The following ZNF804A variants were observed in gnomAD, a reference collection of about 807,000 sequenced individuals.
ZNF804A encodes zinc finger protein 804A.
ZNF804A carries 2 observed loss-of-function variants against 16.5 expected under a neutral mutation model. That is an observed-to-expected ratio of 0.12 (90% CI 0.05 to 0.38). The LOEUF (loss-of-function observed/expected upper bound fraction) is 0.38. Among genes scored for constraint, ZNF804A ranks in the 10% least tolerant of loss-of-function variants. The pLI is 0.99. For synonymous variants in ZNF804A, 534 were observed against 489.6 expected (o/e 1.09, Z -1.20); for missense variants, 1,473 against 1,390.7 (o/e 1.06, Z -0.94).
rs4667001 is a variant in ZNF804A, at chr2:184,937,020, G to A, written c.1624G>A (p.Glu542Lys). The A allele has an allele frequency of 0.57, 921,066 of 1,612,128 alleles. 274,003 individuals are homozygous for A. Among genetic ancestry groups the A allele is most frequent in the East Asian group, 0.84 (37,703 of 44,748 alleles). ...LSSSCDSGKN[E>K]NTGQRYKNIS... ...CAGTAGTTGTGATTCTGGAAAAAAT[G>A]AGAACACAGGTCAGAGGTATAAAAA... The change falls in exon 4 of 4, where the codon GAG (glutamate) becomes AAG (lysine). Residue 542 changes from glutamate to lysine, a missense_variant. By Grantham distance (56) the Glu-to-Lys change is moderately conservative. Coordinates refer to ENST00000302277, the MANE Select transcript of ZNF804A (RefSeq NM_194250.2).
chr2:184,702,896 T>C (rs1692944911), intron 1 of ZNF804A, among the ~76,000 whole-genome samples: 2 of 152,192 alleles, frequency 1.3e-5, no homozygotes. Flanking sequence ...GGCAGTTTTG[T>C]TCCTTCTCAT....
chr2:184,857,097 A>T lies in ZNF804A; in HGVS notation c.112-9272A>T, dbSNP rs372153665. On this transcript the variant is annotated intron_variant, in intron 1 of 3. Transcript: ENST00000302277. ...TTGACATCTTTCTTTTTTTTGATGTAGGCATTTATTGCTACCAACTTTCCT... is the reference window on the plus strand; with the variant it reads ...TTGACATCTTTCTTTTTTTTGATGTTGGCATTTATTGCTACCAACTTTCCT... 3.6e-4 allele frequency among the ~76,000 whole-genome samples: 55 copies of T among 152,064 alleles called. No homozygotes were observed. In the Middle Eastern group the frequency reaches 0.01, roughly 28 times the overall value.
At chr2:184,810,259 G>T (rs1291256983) in intron 1 of ZNF804A, among the ~76,000 whole-genome samples, 1 of 152,074 alleles carries the variant, frequency 6.6e-6, no homozygotes, top group Admixed American at 6.6e-5. Context: ...TAGAGAATTT[G>T]CCAACGCCTG....
chr2:184,599,228 G>C (rs1315084612), intron 1 of ZNF804A, among the ~76,000 whole-genome samples, 158 bp downstream of exon 1: 1 of 152,098 alleles, frequency 6.6e-6, no homozygotes. Flanking sequence ...AAAGGAAGGG[G>C]TCTTAGGGAA....
chr2:184,631,876 T>C (rs899541028), intron 1 of ZNF804A, among the ~76,000 whole-genome samples: 2 of 152,170 alleles, frequency 1.3e-5, no homozygotes, highest in African/African-American at 2.4e-5. Flanking sequence ...GAACCTTTGA[T>C]GTAGGACACT....
intron 1 of ZNF804A, among the ~76,000 whole-genome samples, chr2:184,804,310 G>A (rs1694769010): frequency 6.6e-6 from 1 of 152,142 alleles, no homozygotes; most frequent in African/African-American, 2.4e-5. Context: ...TCCTGGATAG[G>A]CATGTCTTTT....
intron 1 of ZNF804A, among the ~76,000 whole-genome samples, chr2:184,785,059 A>G (rs1286881926): frequency 6.6e-6 from 1 of 151,966 alleles, no homozygotes; most frequent in African/African-American, 2.4e-5. Flanking sequence ...TCACATAAAC[A>G]TTTCTATTGC....
intron 1 of ZNF804A, among the ~76,000 whole-genome samples, chr2:184,757,731 T>C (rs909691114): frequency 3.9e-5 from 6 of 152,056 alleles, no homozygotes; most frequent in African/African-American, 1.4e-4. Flanking sequence ...TAAAATGTTA[T>C]CTGGAGGATG....
At chr2:184,932,165 C>T (rs1055736754) in intron 2 of ZNF804A, among the ~76,000 whole-genome samples, 1 of 152,078 alleles carries the variant, frequency 6.6e-6, no homozygotes, top group African/African-American at 2.4e-5. Flanking sequence ...TCTTCTAAGC[C>T]CTCCACACTG....
chr2:184,753,760 A>G (rs546680450), intron 1 of ZNF804A, among the ~76,000 whole-genome samples: 14 of 151,886 alleles, frequency 9.2e-5, no homozygotes, highest in Non-Finnish European at 2.1e-4. Context: ...GAAGATTTCT[A>G]AAGGTGAGAT....
intron 1 of ZNF804A, among the ~76,000 whole-genome samples, chr2:184,648,790 G>A (rs1265040144): frequency 1.3e-5 from 2 of 152,232 alleles, no homozygotes; most frequent in East Asian, 1.9e-4. Context: ...TACAAAACAA[G>A]TACTTCTAGA....
At chr2:184,616,798 A>C (rs754367880) in intron 1 of ZNF804A, among the ~76,000 whole-genome samples, 1 of 152,186 alleles carries the variant, frequency 6.6e-6, no homozygotes, top group Non-Finnish European at 1.5e-5. Context: ...ATGTAGCATC[A>C]TGGACCTCTT....
intron 1 of ZNF804A, among the ~76,000 whole-genome samples, chr2:184,861,569 A>G (rs1695800156): frequency 6.6e-6 from 1 of 152,146 alleles, no homozygotes; most frequent in African/African-American, 2.4e-5. Flanking sequence ...CTCTGATAAA[A>G]GCTCTGGAAA....
At chr2:184,759,188 C>T (rs570237440) in intron 1 of ZNF804A, among the ~76,000 whole-genome samples, 1 of 150,124 alleles carries the variant, frequency 6.7e-6, no homozygotes, top group South Asian at 2.1e-4. Flanking sequence ...TCATAGGGAA[C>T]CAATTATTAA....
At chr2:184,624,227 C>G (rs1691461866) in intron 1 of ZNF804A, among the ~76,000 whole-genome samples, 1 of 151,988 alleles carries the variant, frequency 6.6e-6, no homozygotes, top group Admixed American at 6.6e-5. Context: ...TGTGTATGTA[C>G]TTAATGCCAA....
At chr2:184,705,367 T>C (rs1159264058) in intron 1 of ZNF804A, among the ~76,000 whole-genome samples, 1 of 152,178 alleles carries the variant, frequency 6.6e-6, no homozygotes, top group Non-Finnish European at 1.5e-5. Context: ...GGTGACTGGA[T>C]ATGGGAATGT....
intron 1 of ZNF804A, among the ~76,000 whole-genome samples, chr2:184,610,161 G>A (rs1691213545): frequency 6.6e-6 from 1 of 152,190 alleles, no homozygotes; most frequent in Non-Finnish European, 1.5e-5. Flanking sequence ...GTGATGCCCT[G>A]TGCTGCCTCT....
chr2:184,609,880 G>A (rs972261453), intron 1 of ZNF804A, among the ~76,000 whole-genome samples: 2 of 152,168 alleles, frequency 1.3e-5, no homozygotes, highest in African/African-American at 4.8e-5. Flanking sequence ...CCTCAGACGG[G>A]AAACACCTAA....
Position 184,618,166 on chromosome 2 carries a change from G to A in ZNF804A, c.111+19096G>A, listed in dbSNP as rs187479818. On this transcript the variant is annotated intron_variant, in intron 1 of 3. Transcript: ENST00000302277. The stretch of plus-strand genomic sequence containing the variant: ...TATTGAGATTAGAATTAGGAAACAC[G>A]TTTATAAATCATTCAATATTGCCTC... Among the ~76,000 whole-genome samples the A allele has an allele frequency of 4.4e-4, 67 of 152,060 alleles. No homozygotes were observed. The East Asian group carries it at 5.6e-3, about 13-fold the overall frequency.
Sources: gnomAD v4.1 joint callset for allele counts (sites outside exome capture counted in the v4.1 genomes callset) on GRCh38, gnomAD v4.1.1 for gene constraint, MANE v1.5 for transcripts, NCBI Gene and HGNC (gene_info 2026-07-23, HGNC 2026-07-21) for gene names.